PKP4: variants seen among roughly 807,000 people sequenced by gnomAD.
The protein encoded by PKP4 is plakophilin-4.
A neutral mutation model predicts 145.1 loss-of-function variants in PKP4; 90 were observed. The ratio of observed to expected loss-of-function variants is 0.62; its 90% CI spans 0.52 to 0.74. The LOEUF (loss-of-function observed/expected upper bound fraction) is 0.74, where lower values mean the gene tolerates loss of function less well. PKP4 is among the 30% of genes least tolerant of loss of function. PKP4 has a pLI of 0.00. For missense variants in PKP4, 1,340 were observed against 1,482.7 expected (o/e 0.90, Z 1.58); for synonymous variants, 563 against 577.2 (o/e 0.98, Z 0.35).
chr2:158,562,634 A>G (rs1195130346), intron 2 of PKP4, among the ~76,000 whole-genome samples: 1 of 152,232 alleles, frequency 6.6e-6, no homozygotes, highest in African/African-American at 2.4e-5. Flanking sequence ...TTGTTAGCAT[A>G]TATTTTGTCA....
At position 158,577,313 on chromosome 2, in the gene PKP4, A is replaced by G; in HGVS notation, c.175A>G (p.Arg59Gly). ...QRLTRELEVE[R>G]QIVASQLERC... ...ACTCACCCGAGAACTGGAAGTGGAAAGGCAGATTGTTGCCAGTCAGCTAGA... is the reference window on the plus strand; with the variant it reads ...ACTCACCCGAGAACTGGAAGTGGAAGGGCAGATTGTTGCCAGTCAGCTAGA... The change falls in exon 3 of 22, where the codon AGG becomes GGG. Residue 59 changes from arginine (R) to glycine (G), a missense_variant. Coordinates refer to ENST00000389759, the MANE Select transcript of PKP4 (RefSeq NM_003628.6). 6.2e-7 allele frequency: 1 copy of G among 1,613,650 alleles called. No individual in the cohort carries two copies. The highest frequency in any genetic ancestry group is 8.5e-7 in the Non-Finnish European group (1 of 1,179,844).
intron 2 of PKP4, among the ~76,000 whole-genome samples, chr2:158,544,295 A>G (rs1175781848): frequency 6.6e-6 from 1 of 152,190 alleles, no homozygotes; most frequent in African/African-American, 2.4e-5. Flanking sequence ...ATGAAAATAA[A>G]GGTTCTTAGA....
intron 3 of PKP4, among the ~76,000 whole-genome samples, chr2:158,580,651 A>G (rs1386626848): frequency 6.6e-6 from 1 of 152,206 alleles, no homozygotes; most frequent in East Asian, 1.9e-4. Context: ...CAGAATAAAG[A>G]GGCCAGGCAG....
intron 1 of PKP4, among the ~76,000 whole-genome samples, chr2:158,528,683 A>AAG (rs1357139914): frequency 2.2e-4 from 33 of 150,018 alleles, no homozygotes; most frequent in Non-Finnish European, 4.3e-4. Flanking sequence ...AAAAAAAAAA[A>AAG]AAAGAGACCT....
Position 158,634,297 on chromosome 2 carries a change from C to T in PKP4, c.1562+8C>T, listed in dbSNP as rs1391770032. 1 of 1,610,406 alleles carries T rather than the reference C, an allele frequency of 6.2e-7. No individual in the cohort carries two copies. Among genetic ancestry groups the T allele is most frequent in the East Asian group, 2.2e-5 (1 of 44,868 alleles). ...CATTCAGAAGGACCCCAGGCGAGTACCAGTTAGGAGTCTCTAGAAGGCTAC... is the reference window on the plus strand; with the variant it reads ...CATTCAGAAGGACCCCAGGCGAGTATCAGTTAGGAGTCTCTAGAAGGCTAC... On this transcript the variant is annotated splice_region_variant and intron_variant, in intron 9 of 21. Coordinates refer to ENST00000389759, the MANE Select transcript of PKP4 (RefSeq NM_003628.6).
At chr2:158,522,588 A>C (rs2042480548) in intron 1 of PKP4, among the ~76,000 whole-genome samples, 1 of 152,184 alleles carries the variant, frequency 6.6e-6, no homozygotes, top group Non-Finnish European at 1.5e-5. Flanking sequence ...ATTCAGTCTA[A>C]TGGTATGATT....
At chr2:158,672,664 C>T (rs2057666214) in intron 17 of PKP4, among the ~76,000 whole-genome samples, 1 of 152,154 alleles carries the variant, frequency 6.6e-6, no homozygotes, top group South Asian at 2.1e-4. Context: ...ATTGCCTGTT[C>T]CATAGTCCAA....
rs2047942153 is a variant in PKP4, at chr2:158,577,345, T to C, written c.207T>C (p.Cys69=). The part of the protein sequence containing the change: ...RQIVASQLER[C]RLGAESPSIA... The stretch of plus-strand genomic sequence containing the variant: ...TTGTTGCCAGTCAGCTAGAAAGATG[T>C]AGGCTTGGAGCAGAATCACCAAGCA... The change falls in exon 3 of 22, where the codon TGT becomes TGC. Residue 69 remains cysteine, a synonymous_variant. Transcript: ENST00000389759. 1 of 1,613,326 alleles carries C rather than the reference T, an allele frequency of 6.2e-7. No individual in the cohort carries two copies.
intron 3 of PKP4, among the ~76,000 whole-genome samples, chr2:158,582,986 G>T (rs2048459683): frequency 6.6e-6 from 1 of 152,188 alleles, no homozygotes; most frequent in Non-Finnish European, 1.5e-5. Flanking sequence ...TGTGTTGCTT[G>T]TCATTGTGCA....
intron 2 of PKP4, among the ~76,000 whole-genome samples, chr2:158,536,884 T>C (rs1247952932): frequency 6.6e-6 from 1 of 152,200 alleles, no homozygotes; most frequent in East Asian, 1.9e-4. Context: ...TTTAGCACTT[T>C]ATACTACTGC....
At chr2:158,575,467 CATG>C (rs2047765604) in intron 2 of PKP4, among the ~76,000 whole-genome samples, 1 of 152,178 alleles carries the variant, frequency 6.6e-6, no homozygotes, top group African/African-American at 2.4e-5. Flanking sequence ...CAGCCACAAA[CATG>C]ATAAAAATTC....
chr2:158,539,587 C>T (rs940314201), intron 2 of PKP4, among the ~76,000 whole-genome samples: 1 of 152,166 alleles, frequency 6.6e-6, no homozygotes, highest in Non-Finnish European at 1.5e-5. Flanking sequence ...CAATTGGCAA[C>T]TTAGTTATTT....
At chr2:158,472,476 A>T (rs1326711261) in intron 1 of PKP4, among the ~76,000 whole-genome samples, 18 of 151,836 alleles carry the variant, frequency 1.2e-4, no homozygotes, top group Admixed American at 1.2e-3. Flanking sequence ...GGCCTAGGGC[A>T]GTGGCAGGCG....
At chr2:158,630,898 C>T (rs6729187) in intron 7 of PKP4, among the ~76,000 whole-genome samples, 108,453 of 152,142 alleles carry the variant, frequency 0.71, 40,132 homozygotes, top group East Asian at 0.92. Flanking sequence ...AGAAAACCTA[C>T]TTTCATCCTG....
rs140593086 is a variant in PKP4, at chr2:158,655,527, A to C, written c.1910-2604A>C. 3.5e-3 allele frequency among the ~76,000 whole-genome samples: 533 copies of C among 151,476 alleles called. 2 individuals are homozygous for C. The highest frequency in any genetic ancestry group is 0.012 in the African/African-American group (485 of 41,492). ...TGTTTTCACCTGAAGTTTGTGACAC[A>C]GGTTGTTTAATTTTCTGTATATATA... On this transcript the variant is annotated intron_variant, in intron 11 of 21. Transcript: ENST00000389759.
Position 158,663,334 on chromosome 2 carries a change from G to T in PKP4, c.2466G>T (p.Trp822Cys), listed in dbSNP as rs370064108. 9.9e-6 allele frequency: 16 copies of T among 1,613,988 alleles called. No homozygotes were observed. In the African/African-American group the frequency reaches 1.7e-4, roughly 18 times the overall value. ...SKSPKGVEML[W>C]HPSVVKPYLT... ...CCCCCAAAGGGGTTGAGATGCTGTG[G>T]CACCCATCGGTGGTAAAACCATATC... The change falls in exon 15 of 22, where the codon TGG becomes TGT. Residue 822 changes from tryptophan (W) to cysteine (C), a missense_variant. Transcript: ENST00000389759.
intron 3 of PKP4, among the ~76,000 whole-genome samples, chr2:158,596,886 A>G (rs1165228692): frequency 2.0e-5 from 3 of 152,346 alleles, no homozygotes; most frequent in Admixed American, 2.0e-4. Context: ...ACTATGGCGT[A>G]TAGTTCATAT....
chr2:158,629,900 A>G (rs1244511466), intron 7 of PKP4, among the ~76,000 whole-genome samples: 1 of 151,946 alleles, frequency 6.6e-6, no homozygotes, highest in Admixed American at 6.6e-5. Flanking sequence ...TGCCCAGCTA[A>G]TTTTTGGATT....
chr2:158,561,548 G>A (rs2046516197), intron 2 of PKP4, among the ~76,000 whole-genome samples: 1 of 152,168 alleles, frequency 6.6e-6, no homozygotes, highest in African/African-American at 2.4e-5. Context: ...TCTTAAAACA[G>A]GGATTTGTTT....
Sources: gnomAD v4.1 joint callset for allele counts (sites outside exome capture counted in the v4.1 genomes callset) on GRCh38, gnomAD v4.1.1 for gene constraint, MANE v1.5 for transcripts, NCBI Gene and HGNC (gene_info 2026-07-23, HGNC 2026-07-21) for gene names.